Variants in FAM13B observed in about 807,000 individuals in gnomAD.
FAM13B encodes the protein family with sequence similarity 13 member B.
FAM13B carries 60 observed loss-of-function variants against 117.3 expected under a neutral mutation model. The ratio of observed to expected loss-of-function variants is 0.51; its 90% CI spans 0.42 to 0.63. The LOEUF (loss-of-function observed/expected upper bound fraction) is 0.63. Ranked by LOEUF, FAM13B falls within the 30% of genes least tolerant of loss-of-function variation. FAM13B has a pLI of 0.00. For synonymous variants in FAM13B, 332 were observed against 356.1 expected (o/e 0.93, Z 0.76); for missense variants, 972 against 1,091.9 (o/e 0.89, Z 1.55).
chr5:138,027,542 T>C (rs74456488), intron 1 of FAM13B, among the ~76,000 whole-genome samples: 1,577 of 152,314 alleles, frequency 0.01, 29 homozygotes, highest in African/African-American at 0.036. Context: ...ACTGAACAAG[T>C]ATGGTACAAC....
intron 7 of FAM13B, among the ~76,000 whole-genome samples, chr5:137,989,293 G>GT (rs1161525303): frequency 6.6e-6 from 1 of 152,240 alleles, no homozygotes; most frequent in African/African-American, 2.4e-5. Flanking sequence ...AACCAAATGA[G>GT]TATCATTTAC....
chr5:138,016,296 G>A (rs1785242471), intron 4 of FAM13B, among the ~76,000 whole-genome samples: 1 of 152,150 alleles, frequency 6.6e-6, no homozygotes, highest in Admixed American at 6.6e-5. Flanking sequence ...AACAGTACAT[G>A]ATGCTGTCAT....
At chr5:138,045,815 G>A (rs1791624645) in intron 1 of FAM13B, among the ~76,000 whole-genome samples, 2 of 151,778 alleles carry the variant, frequency 1.3e-5, no homozygotes, top group African/African-American at 4.8e-5. Flanking sequence ...CGTGGTGGTA[G>A]GTGCCTGTAA....
chr5:138,017,788 G>A (rs1428015346), intron 4 of FAM13B, among the ~76,000 whole-genome samples: 2 of 152,122 alleles, frequency 1.3e-5, no homozygotes, highest in Non-Finnish European at 2.9e-5. Flanking sequence ...TTAGCTTAGA[G>A]TCTAATGTTC....
At chr5:138,013,350 A>C (rs1320847020) in intron 4 of FAM13B, among the ~76,000 whole-genome samples, 1 of 151,840 alleles carries the variant, frequency 6.6e-6, no homozygotes, top group Non-Finnish European at 1.5e-5. Flanking sequence ...AAATACAAAA[A>C]ATTAGCTGGG....
chr5:138,018,364 T>C lies in FAM13B; in HGVS notation c.308A>G (p.Gln103Arg). 1 of 1,614,146 alleles carries C rather than the reference T, an allele frequency of 6.2e-7. No individual in the cohort carries two copies. Among genetic ancestry groups the C allele is most frequent in the Non-Finnish European group, 8.5e-7 (1 of 1,180,014 alleles). ...AGGGATAACAGGTTCAGGAAGTTCTTGAAGAAAAAATCTAAGAAGGCTAAT... is the reference window on the plus strand; with the variant it reads ...AGGGATAACAGGTTCAGGAAGTTCTCGAAGAAAAAATCTAAGAAGGCTAAT... ...SAISLLRFFL[Q>R]ELPEPVIPGS... The change falls in exon 4 of 24, where the codon CAA becomes CGA. Residue 103 changes from glutamine to arginine, a missense_variant. Gln to Arg is a conservative substitution (Grantham distance 43). Coordinates refer to ENST00000689681, the MANE Select transcript of FAM13B (RefSeq NM_001385994.1).
intron 1 of FAM13B, among the ~76,000 whole-genome samples, chr5:138,050,795 C>T (rs1218700613): frequency 6.6e-6 from 1 of 152,172 alleles, no homozygotes; most frequent in African/African-American, 2.4e-5. Context: ...CTTCCAGACC[C>T]AAGAACTGTC....
intron 9 of FAM13B, among the ~76,000 whole-genome samples, chr5:137,985,844 CAA>C (rs1305142413): frequency 6.6e-6 from 1 of 152,124 alleles, no homozygotes; most frequent in Non-Finnish European, 1.5e-5. Context: ...GTTTTTGTTT[CAA>C]AGATGATACC....
chr5:137,949,284 G>C (rs1321981809), intron 17 of FAM13B, 100 bp from the exon 18 acceptor site: 3 of 842,776 alleles, frequency 3.6e-6, no homozygotes, highest in Non-Finnish European at 3.9e-6. Flanking sequence ...TACATTAACA[G>C]CACACAGACT....
rs1002222205 is a variant in FAM13B at position 138,029,040 on chromosome 5, T to A, written c.-203+3742A>T. On this transcript the variant is annotated intron_variant, in intron 1 of 23. Transcript: ENST00000689681. The stretch of plus-strand genomic sequence containing the variant: ...CGTCTCAAAAAAAAGAAAAAAAAAA[T>A]GACTTCATTTTTGTTTCCCCAGTTG... Among the ~76,000 whole-genome samples, 7 of 150,882 alleles carry A rather than the reference T, an allele frequency of 4.6e-5. No individual in the cohort carries two copies. The East Asian group carries it at 1.4e-3, about 29-fold the overall frequency.
chr5:137,949,461 G>A (rs1324919782), intron 17 of FAM13B, among the ~76,000 whole-genome samples: 4 of 151,936 alleles, frequency 2.6e-5, no homozygotes, highest in Non-Finnish European at 4.4e-5. Flanking sequence ...AACAGAGTGA[G>A]ACCCCATCTC....
intron 7 of FAM13B, among the ~76,000 whole-genome samples, chr5:137,991,968 C>G (rs982002161): frequency 2.6e-5 from 4 of 152,136 alleles, no homozygotes; most frequent in African/African-American, 9.7e-5. Flanking sequence ...GTCACCCAGG[C>G]TAGAGTGCAG....
chr5:137,980,414 T>TTA (rs1332858142), intron 10 of FAM13B, among the ~76,000 whole-genome samples: 2 of 151,514 alleles, frequency 1.3e-5, no homozygotes, highest in African/African-American at 4.8e-5. Flanking sequence ...CCTGCTCTCT[T>TTA]TATAAAGTAA....
At chr5:138,047,088 T>C (rs919597149) in intron 1 of FAM13B, among the ~76,000 whole-genome samples, 3 of 152,034 alleles carry the variant, frequency 2.0e-5, no homozygotes, top group Non-Finnish European at 4.4e-5. Context: ...TTGACAGATA[T>C]GGAGTGAGCT....
In FAM13B at chr5:138,029,977, G is replaced by A. The variant is rs556259542; in HGVS notation, c.-203+2805C>T. On this transcript the variant is annotated intron_variant, in intron 1 of 23. Transcript: ENST00000689681. ...TACACTAGAAGCTAGGTAATAACTT[G>A]AAATAAAAGACTTGCAATATTTCCT... 4.6e-5 allele frequency among the ~76,000 whole-genome samples: 7 copies of A among 152,268 alleles called. No individual in the cohort carries two copies. The East Asian group carries it at 1.3e-3, about 29-fold the overall frequency.
chr5:137,949,262 A>G (rs184204356), intron 17 of FAM13B, 78 bp from the exon 18 acceptor site: 56 of 1,048,440 alleles, frequency 5.3e-5, no homozygotes, highest in Non-Finnish European at 7.7e-5. Flanking sequence ...CAAAATACAC[A>G]ACAAGAAAGT....
intron 1 of FAM13B, among the ~76,000 whole-genome samples, chr5:138,029,278 T>C (rs532984377): frequency 6.6e-6 from 1 of 152,342 alleles, no homozygotes; most frequent in South Asian, 2.1e-4. Flanking sequence ...TCTACTATCT[T>C]ACAAGTAGAT....
chr5:138,016,506 C>T lies in FAM13B; in HGVS notation c.370+1796G>A, dbSNP rs887923604. On this transcript the variant is annotated intron_variant, in intron 4 of 23. Transcript: ENST00000689681. ...AAAATTAGCCAGGCATGGTGGTGCG[C>T]GCCTGTAGTCCCAGCTACTCAAGAG... is the stretch of plus-strand genomic sequence containing the variant. Among the ~76,000 whole-genome samples, 16 of 152,082 alleles carry T rather than the reference C, an allele frequency of 1.1e-4. No individual in the cohort carries two copies. In the Middle Eastern group the frequency reaches 0.017, roughly 162 times the overall value.
chr5:137,954,486 T>A (rs1765885405), intron 14 of FAM13B, 110 bp from the exon 15 acceptor site: 1 of 678,410 alleles, frequency 1.5e-6, no homozygotes, highest in Middle Eastern at 4.1e-4. Flanking sequence ...ATGTAGTGGT[T>A]CATATATACA....
Sources: allele counts gnomAD v4.1 joint callset (sites outside exome capture counted in the v4.1 genomes callset), GRCh38; gene constraint gnomAD v4.1.1; transcripts MANE v1.5; gene names NCBI Gene and HGNC (gene_info 2026-07-23, HGNC 2026-07-21).